Variants in RSRC1 observed in about 807,000 individuals in gnomAD.
RSRC1 encodes arginine and serine rich coiled-coil 1, also known as serine/Arginine-related protein 53.
Under a neutral mutation model 49.1 loss-of-function variants are expected in RSRC1, and 39 were observed. The ratio of observed to expected loss-of-function variants is 0.79; its 90% CI spans 0.61 to 1.04. RSRC1 has a LOEUF of 1.04. RSRC1 is among the 50% of genes least tolerant of loss of function. The pLI, the probability that RSRC1 is intolerant of heterozygous loss-of-function variation, is 0.00. For missense variants in RSRC1, 388 were observed against 402.4 expected (o/e 0.96, Z 0.31); for synonymous variants, 143 against 130.8 (o/e 1.09, Z -0.63).
intron 3 of RSRC1, among the ~76,000 whole-genome samples, chr3:158,147,581 A>AT (rs1053948234): frequency 4.5e-4 from 69 of 151,688 alleles, no homozygotes; most frequent in Non-Finnish European, 8.2e-4. Context: ...AGCAGTTTTC[A>AT]TTTTTTTGTA....
intron 4 of RSRC1, among the ~76,000 whole-genome samples, chr3:158,208,464 A>G (rs989779358): frequency 2.0e-5 from 3 of 152,168 alleles, no homozygotes; most frequent in Non-Finnish European, 4.4e-5. Flanking sequence ...CCTGGACTCC[A>G]GTGATCCTCC....
At chr3:158,400,548 G>A (rs1578429684) in intron 6 of RSRC1, among the ~76,000 whole-genome samples, 1 of 152,168 alleles carries the variant, frequency 6.6e-6, no homozygotes, top group East Asian at 1.9e-4. Flanking sequence ...AGTGGGACAA[G>A]ATACAGAGGT....
intron 4 of RSRC1, among the ~76,000 whole-genome samples, chr3:158,275,189 A>G (rs1578272851): frequency 6.6e-6 from 1 of 152,214 alleles, no homozygotes. Context: ...TAATACCACT[A>G]CCATTAACCA....
At chr3:158,158,073 G>T (rs1222291889) in intron 3 of RSRC1, among the ~76,000 whole-genome samples, 1 of 152,018 alleles carries the variant, frequency 6.6e-6, no homozygotes, top group Non-Finnish European at 1.5e-5. Context: ...GAATATTTAT[G>T]AATAGTATGT....
At chr3:158,372,064 GAGTAAA>G (rs1397578938) in intron 6 of RSRC1, among the ~76,000 whole-genome samples, 1 of 138,948 alleles carries the variant, frequency 7.2e-6, no homozygotes, top group African/African-American at 2.5e-5. Flanking sequence ...TGTATATTCT[GAGTAAA>G]AGTTCATGAT....
At chr3:158,542,458 C>T (rs1713087784) in intron 8 of RSRC1, among the ~76,000 whole-genome samples, 1 of 152,148 alleles carries the variant, frequency 6.6e-6, no homozygotes, top group South Asian at 2.1e-4. Context: ...TCACTTGAAC[C>T]TAGGAGGTAG....
chr3:158,219,759 G>A (rs1361219897), intron 4 of RSRC1, among the ~76,000 whole-genome samples: 1 of 151,580 alleles, frequency 6.6e-6, no homozygotes, highest in Admixed American at 6.6e-5. Context: ...AATAAAGGTA[G>A]TGGCAGCTGA....
chr3:158,477,827 TGAAAGCCCTATGATA>T (rs1738448899), intron 7 of RSRC1, among the ~76,000 whole-genome samples: 6 of 135,702 alleles, frequency 4.4e-5, no homozygotes, highest in South Asian at 2.4e-4. Context: ...TATATATATA[TGAAAGCCCTATGATA>T]ATATAACCTT....
At chr3:158,347,857 ATGT>A (rs368118737) in intron 5 of RSRC1, among the ~76,000 whole-genome samples, 3 of 152,096 alleles carry the variant, frequency 2.0e-5, no homozygotes, top group African/African-American at 7.2e-5. Context: ...CCCACCCCAA[ATGT>A]TGTTTCTCTT....
chr3:158,189,332 T>A (rs1339460791), intron 3 of RSRC1, among the ~76,000 whole-genome samples: 5 of 151,950 alleles, frequency 3.3e-5, no homozygotes, highest in Non-Finnish European at 5.9e-5. Context: ...TAACCATGTG[T>A]TCAAATCTTC....
At chr3:158,504,410 T>C (rs909156335) in intron 7 of RSRC1, among the ~76,000 whole-genome samples, 1 of 152,218 alleles carries the variant, frequency 6.6e-6, no homozygotes, top group Admixed American at 6.5e-5. Context: ...CATGATCAGA[T>C]CAGGCTACTA....
At chr3:158,537,898 T>C (rs11708784) in intron 8 of RSRC1, among the ~76,000 whole-genome samples, 35,943 of 151,644 alleles carry the variant, frequency 0.24, 4,325 homozygotes, top group South Asian at 0.29. Flanking sequence ...TTATTTTTCC[T>C]CTGTTATCAA....
intron 3 of RSRC1, among the ~76,000 whole-genome samples, chr3:158,196,867 A>G (rs540246600): frequency 2.0e-5 from 3 of 152,244 alleles, no homozygotes; most frequent in Non-Finnish European, 4.4e-5. Flanking sequence ...GATCATGGTG[A>G]ATAAGCTTTT....
chr3:158,379,350 G>A (rs531940286), intron 6 of RSRC1, among the ~76,000 whole-genome samples: 156 of 151,590 alleles, frequency 1.0e-3, no homozygotes, highest in African/African-American at 3.3e-3. Context: ...ATAGGCACCC[G>A]CCACCACGCC....
intron 6 of RSRC1, among the ~76,000 whole-genome samples, chr3:158,396,371 T>C (rs1458827120): frequency 6.7e-6 from 1 of 150,262 alleles, no homozygotes; most frequent in Non-Finnish European, 1.5e-5. Flanking sequence ...AATTATAAGC[T>C]GCTTTTTGGT....
chr3:158,171,285 T>A (rs1163434542), intron 3 of RSRC1, among the ~76,000 whole-genome samples: 1 of 152,190 alleles, frequency 6.6e-6, no homozygotes, highest in Non-Finnish European at 1.5e-5. Flanking sequence ...ATTTTGCTAG[T>A]ATACACAGTC....
intron 4 of RSRC1, among the ~76,000 whole-genome samples, chr3:158,274,427 A>G (rs1351924011): frequency 2.0e-5 from 3 of 151,336 alleles, no homozygotes; most frequent in Non-Finnish European, 4.4e-5. Context: ...AACAACCTCT[A>G]CACAATCAAA....
intron 6 of RSRC1, among the ~76,000 whole-genome samples, chr3:158,412,264 A>G (rs550870351): frequency 6.6e-6 from 1 of 152,302 alleles, no homozygotes; most frequent in South Asian, 2.1e-4. Context: ...GATAAGAACC[A>G]TAATATATGT....
chr3:158,122,646 T>C (rs183465454), intron 2 of RSRC1, among the ~76,000 whole-genome samples: 1 of 152,154 alleles, frequency 6.6e-6, no homozygotes, highest in African/African-American at 2.4e-5. Flanking sequence ...TTGTTACATA[T>C]GTATACATGT....
Sources: allele counts gnomAD v4.1 joint callset (sites outside exome capture counted in the v4.1 genomes callset), GRCh38; gene constraint gnomAD v4.1.1; transcripts MANE v1.5; gene names NCBI Gene and HGNC (gene_info 2026-07-23, HGNC 2026-07-21).